KCNIP1: variants seen among roughly 807,000 people sequenced by gnomAD.
The protein encoded by KCNIP1 is A-type potassium channel modulatory protein KCNIP1.
A neutral mutation model predicts 33.0 loss-of-function variants in KCNIP1; 18 were observed. The observed-to-expected ratio is 0.55, with a 90% CI of 0.38 to 0.81. The LOEUF (loss-of-function observed/expected upper bound fraction) is 0.81. Among genes scored for constraint, KCNIP1 ranks in the 30% least tolerant of loss-of-function variants. KCNIP1 has a pLI of 0.00. For synonymous variants in KCNIP1, 93 were observed against 98.3 expected, an observed-to-expected ratio of 0.95 and a Z score of 0.32; for missense variants, 238 against 271.6, an observed-to-expected ratio of 0.88 and a Z score of 0.87.
intron 1 of KCNIP1, among the ~76,000 whole-genome samples, chr5:170,683,170 A>G (rs550214323): frequency 9.2e-4 from 140 of 152,342 alleles, no homozygotes; most frequent in African/African-American, 3.3e-3. Flanking sequence ...GAAGAAAAAG[A>G]AGGGAATTAA....
At chr5:170,573,912 A>T (rs1757507059) in intron 1 of KCNIP1, among the ~76,000 whole-genome samples, 1 of 151,748 alleles carries the variant, frequency 6.6e-6, no homozygotes. Context: ...TTGTGCTTCC[A>T]GCTGAGTTGG....
rs145708530 is a variant in KCNIP1, at chr5:170,729,760, A to G, written c.436-3040A>G. On this transcript the variant is annotated intron_variant, in intron 5 of 7. Transcript: ENST00000328939. ...GTTGGTGGAAAGTGGTTTTTCATACATAGTTGCTGAAAGTGTTCTGATAAT... is the reference window on the plus strand; with the variant it reads ...GTTGGTGGAAAGTGGTTTTTCATACGTAGTTGCTGAAAGTGTTCTGATAAT... Among the ~76,000 whole-genome samples the G allele has an allele frequency of 3.3e-3, 497 of 152,236 alleles. 2 individuals carry two copies. Among genetic ancestry groups the G allele is most frequent in the African/African-American group, 0.011 (476 of 41,572 alleles).
At chr5:170,431,637 G>T (rs1242245254) in intron 1 of KCNIP1, among the ~76,000 whole-genome samples, 1 of 152,224 alleles carries the variant, frequency 6.6e-6, no homozygotes, top group African/African-American at 2.4e-5. Context: ...TCCAACCAGA[G>T]AGAAGGCCTC....
intron 1 of KCNIP1, among the ~76,000 whole-genome samples, chr5:170,711,098 A>G (rs888070566): frequency 6.6e-6 from 1 of 152,216 alleles, no homozygotes; most frequent in Non-Finnish European, 1.5e-5. Flanking sequence ...TCTCTTGAAA[A>G]ATCTAAAGAT....
chr5:170,401,504 C>G (rs1754902470), intron 1 of KCNIP1, among the ~76,000 whole-genome samples: 1 of 152,108 alleles, frequency 6.6e-6, no homozygotes, highest in South Asian at 2.1e-4. Context: ...TGGCTCATGT[C>G]TATAATCCCA....
chr5:170,561,224 A>C, intron 1 of KCNIP1: 1 of 423,138 alleles, frequency 2.4e-6, no homozygotes. Context: ...TCAATTAGAA[A>C]GTCCCCGCTC....
chr5:170,516,003 A>G (rs764006053), intron 1 of KCNIP1, among the ~76,000 whole-genome samples: 9 of 152,230 alleles, frequency 5.9e-5, no homozygotes, highest in Admixed American at 1.3e-4. Context: ...AGAAGGGGAA[A>G]GAAATGAAAA....
intron 1 of KCNIP1, chr5:170,385,435 G>A (rs766927552): frequency 6.2e-7 from 1 of 1,614,042 alleles, no homozygotes; most frequent in Non-Finnish European, 8.5e-7. Flanking sequence ...GCCATCACCA[G>A]CTTCTTCACC....
At chr5:170,378,767 G>A (rs1475123404) in intron 1 of KCNIP1, 2 of 1,614,082 alleles carry the variant, frequency 1.2e-6, no homozygotes, top group Non-Finnish European at 1.7e-6. Context: ...TAATGAGGAG[G>A]CCACCGGTCA....
chr5:170,373,648 T>C (rs1445419519), intron 1 of KCNIP1, among the ~76,000 whole-genome samples: 1 of 152,236 alleles, frequency 6.6e-6, no homozygotes, highest in Non-Finnish European at 1.5e-5. Context: ...AGAAGTGGTA[T>C]TGTTTTACAT....
intron 1 of KCNIP1, among the ~76,000 whole-genome samples, chr5:170,414,430 C>A (rs2113412952): frequency 6.6e-6 from 1 of 152,340 alleles, no homozygotes; most frequent in Admixed American, 6.5e-5. Flanking sequence ...ATGTGGCCAA[C>A]TGTTTGAACC....
At chr5:170,733,154 T>C (rs10475954) in intron 6 of KCNIP1, among the ~76,000 whole-genome samples, 114,141 of 152,160 alleles carry the variant, frequency 0.75, 42,899 homozygotes, top group East Asian at 0.86. Context: ...CATAAAAATT[T>C]GGGGATCAGG....
upstream of KCNIP1, among the ~76,000 whole-genome samples, chr5:170,502,791 C>A (rs1397320927): frequency 6.6e-6 from 1 of 151,902 alleles, no homozygotes; most frequent in African/African-American, 2.4e-5. Flanking sequence ...GGCAAAGGAT[C>A]CTCAGTGTCA....
chr5:170,583,693 G>A (rs1757881654), intron 1 of KCNIP1, among the ~76,000 whole-genome samples: 1 of 152,132 alleles, frequency 6.6e-6, no homozygotes, highest in African/African-American at 2.4e-5. Flanking sequence ...CAGCTTTCCT[G>A]TTAGATCACC....
intron 1 of KCNIP1, among the ~76,000 whole-genome samples, chr5:170,693,920 T>C (rs972586375): frequency 6.6e-6 from 1 of 152,176 alleles, no homozygotes; most frequent in South Asian, 2.1e-4. Flanking sequence ...GTGTGGCCTT[T>C]GGACAGCACC....
At chr5:170,455,448 A>G (rs913124247) in intron 1 of KCNIP1, among the ~76,000 whole-genome samples, 2 of 152,158 alleles carry the variant, frequency 1.3e-5, no homozygotes, top group African/African-American at 4.8e-5. Flanking sequence ...CAGGTGATAC[A>G]TGGGCCTCAG....
At chr5:170,453,141 C>T (rs757152800) in intron 1 of KCNIP1, among the ~76,000 whole-genome samples, 9 of 152,214 alleles carry the variant, frequency 5.9e-5, no homozygotes, top group Non-Finnish European at 1.3e-4. Context: ...CCTCTTCACC[C>T]TCCAAATTGA....
intron 1 of KCNIP1, among the ~76,000 whole-genome samples, chr5:170,455,176 A>G (rs528441061): frequency 1.4e-4 from 22 of 152,356 alleles, no homozygotes; most frequent in Admixed American, 9.8e-4. Context: ...ACATAAGATC[A>G]ACAAGAAAAT....
chr5:170,367,350 A>AAAG (rs1763693609), intron 1 of KCNIP1, among the ~76,000 whole-genome samples: 1 of 16,712 alleles, frequency 6.0e-5, no homozygotes, highest in Admixed American at 6.6e-4. Flanking sequence ...AAGGAAAGAA[A>AAAG]AAGAAAGAAA....
Sources: gnomAD v4.1 joint callset for allele counts (sites outside exome capture counted in the v4.1 genomes callset) on GRCh38, gnomAD v4.1.1 for gene constraint, MANE v1.5 for transcripts, NCBI Gene and HGNC (gene_info 2026-07-23, HGNC 2026-07-21) for gene names.